The following FCRLB variants were observed in gnomAD, a reference collection of about 807,000 sequenced individuals.
FCRLB encodes the protein Fc receptor-like B.
In FCRLB, 34 loss-of-function variants were observed where a neutral mutation model predicts 33.6. That is an observed-to-expected ratio of 1.01 (90% CI 0.77 to 1.35). The LOEUF (loss-of-function observed/expected upper bound fraction) is 1.35. Ranked by LOEUF, FCRLB falls within the 40% of genes most tolerant of loss-of-function variation. FCRLB has a pLI of 0.00. For missense variants in FCRLB, 560 were observed against 580.2 expected, an observed-to-expected ratio of 0.97 and a Z score of 0.36; for synonymous variants, 280 against 255.9, an observed-to-expected ratio of 1.09 and a Z score of -0.90.
chr1:161,723,361 C>A lies in FCRLB; in HGVS notation c.53-6C>A, dbSNP rs772517784. ...CTGCCCCCTCTCACCCCACTCCCCA[C>A]CCCAGCTACTCTGGAGAAGCCCATA... is the stretch of plus-strand genomic sequence containing the variant. On this transcript the variant is annotated splice_region_variant and splice_polypyrimidine_tract_variant and intron_variant, in intron 4 of 7. Transcript: ENST00000367948. 1.2e-6 allele frequency: 2 copies of A among 1,613,526 alleles called. No homozygotes were observed.
exon 8 of FCRLB, chr1:161,727,281 A>G: frequency 1.2e-6 from 2 of 1,610,294 alleles, no homozygotes; most frequent in Non-Finnish European, 1.7e-6. Context: ...CCACCGCCCC[A>G]GCTCCATGGG....
intron 7 of FCRLB, 90 bp from the exon 8 acceptor site, chr1:161,727,157 A>AAACCCCC: frequency 2.0e-6 from 2 of 1,002,418 alleles, no homozygotes; most frequent in Non-Finnish European, 2.5e-6. Context: ...GGCCTTCCCC[A>AAACCCCC]TCCCCGCCCA....
At position 161,727,445 on chromosome 1, in the gene FCRLB, C is replaced by A. The variant is rs749054136; in HGVS notation, c.1064C>A (p.Ala355Asp). The A allele has an allele frequency of 1.4e-5, 22 of 1,613,366 alleles. No homozygotes were observed. In the East Asian group the frequency reaches 1.6e-4, roughly 11 times the overall value. Residue 355 changes from alanine (A) to aspartate (D), a missense_variant, in exon 8 of 8, where the codon GCT becomes GAT. By Grantham distance (126) the Ala-to-Asp change is moderately radical. Coordinates refer to ENST00000367948, the Ensembl canonical transcript of FCRLB. ...CCGACTGCGGGGCCACCCGCCTGCG[C>A]TCCGCCGACGCCCTTGGAACAATCG... is the stretch of plus-strand genomic sequence containing the variant.
intron 5 of FCRLB, among the ~76,000 whole-genome samples, chr1:161,724,336 TC>T (rs758474173): frequency 4.9e-4 from 74 of 150,358 alleles, no homozygotes; most frequent in Non-Finnish European, 8.7e-4. Context: ...AAGCCTGTGA[TC>T]CCAGCACTTT....
Position 161,727,237 on chromosome 1 carries a change from G to A in FCRLB, c.866-10G>A. 1 of 1,560,172 alleles carries A rather than the reference G, an allele frequency of 6.4e-7. No homozygotes were observed. The highest frequency in any genetic ancestry group is 8.7e-7 in the Non-Finnish European group (1 of 1,147,960). ...CAAGCCGCGCGTGACTGGGCGTAATGCATTCACAGGTTCTCCCCTGGACCC... is the reference window on the plus strand; with the variant it reads ...CAAGCCGCGCGTGACTGGGCGTAATACATTCACAGGTTCTCCCCTGGACCC... On this transcript the variant is annotated splice_polypyrimidine_tract_variant and intron_variant, in intron 7 of 7. Coordinates refer to ENST00000367948, the Ensembl canonical transcript of FCRLB.
exon 6 of FCRLB, chr1:161,725,869 C>T (rs746065087): frequency 6.2e-6 from 10 of 1,614,046 alleles, no homozygotes; most frequent in Non-Finnish European, 8.5e-6. Context: ...GAGGGTGAGC[C>T]GCTAGTCCTG....
intron 5 of FCRLB, among the ~76,000 whole-genome samples, chr1:161,724,126 A>G (rs6696500): frequency 0.15 from 23,436 of 152,186 alleles, 2,340 homozygotes; most frequent in East Asian, 0.51. Flanking sequence ...GAGGATTAAA[A>G]GTGAATTATG....
chr1:161,725,876 C>A, exon 6 of FCRLB: 1 of 1,614,152 alleles, frequency 6.2e-7, no homozygotes, highest in South Asian at 1.1e-5. Flanking sequence ...AGCCGCTAGT[C>A]CTGCGCTGCC....
At chr1:161,723,685 G>A in intron 5 of FCRLB, 64 bp downstream of exon 5, 1 of 1,571,536 alleles carries the variant, frequency 6.4e-7, no homozygotes, top group Admixed American at 1.7e-5. Flanking sequence ...TAGTCCTCTG[G>A]TGGGAGGGAA....
intron 4 of FCRLB, 28 bp from the exon 5 acceptor site, chr1:161,723,339 C>T (rs1683435349): frequency 1.2e-6 from 2 of 1,608,004 alleles, no homozygotes; most frequent in East Asian, 2.2e-5. Context: ...TTGCATGCTG[C>T]CCCCTCTCAC....
Position 161,724,820 on chromosome 1 carries a change from T to C in FCRLB, c.308-1001T>C, listed in dbSNP as rs568858990. Among the ~76,000 whole-genome samples, 6 of 152,344 alleles carry C rather than the reference T, an allele frequency of 3.9e-5. No homozygotes were observed. In the East Asian group the frequency reaches 9.6e-4, roughly 24 times the overall value. ...CTGTGCTAGGGCTATGTAAGCGTGC[T>C]ATAATGATCACAGGGTAATTATGAG... On this transcript the variant is annotated intron_variant, in intron 5 of 7. Coordinates refer to ENST00000367948, the Ensembl canonical transcript of FCRLB.
rs531062239 is a variant in FCRLB, at chr1:161,722,882, A to T, written c.32-107A>T. The T allele has an allele frequency of 4.0e-5, 62 of 1,542,832 alleles. No individual in the cohort carries two copies. The South Asian group carries it at 6.7e-4, about 17-fold the overall frequency. On this transcript the variant is annotated intron_variant, in intron 3 of 7. Coordinates refer to ENST00000367948, the Ensembl canonical transcript of FCRLB. ...CTTGGGAAACCAGGGGCAGAAGAAGAAAAACAGGTTTTGGGACCATTCAGC... is the reference window on the plus strand; with the variant it reads ...CTTGGGAAACCAGGGGCAGAAGAAGTAAAACAGGTTTTGGGACCATTCAGC...
intron 5 of FCRLB, among the ~76,000 whole-genome samples, chr1:161,724,088 T>TA (rs1256835927): frequency 6.6e-6 from 1 of 152,162 alleles, no homozygotes; most frequent in African/African-American, 2.4e-5. Flanking sequence ...GAAGGGACAA[T>TA]AATAGTATGT....
chr1:161,722,098 G>C (rs1683392115), intron 2 of FCRLB, among the ~76,000 whole-genome samples: 1 of 152,220 alleles, frequency 6.6e-6, no homozygotes, highest in South Asian at 2.1e-4. Flanking sequence ...GATGTGAAGG[G>C]TGGTTGGTGA....
chr1:161,725,147 G>A (rs780271371), intron 5 of FCRLB, among the ~76,000 whole-genome samples: 9 of 152,150 alleles, frequency 5.9e-5, no homozygotes, highest in Non-Finnish European at 1.2e-4. Context: ...CAGTCAGGAG[G>A]ACTCTGACAC....
At chr1:161,725,260 C>T (rs892403148) in intron 5 of FCRLB, among the ~76,000 whole-genome samples, 2 of 152,174 alleles carry the variant, frequency 1.3e-5, no homozygotes, top group Admixed American at 6.5e-5. Flanking sequence ...GACCAGCCAT[C>T]CCCCTTCCTT....
intron 5 of FCRLB, among the ~76,000 whole-genome samples, chr1:161,724,425 TAAAA>T (rs3039575): frequency 1.3e-4 from 15 of 112,594 alleles, no homozygotes; most frequent in African/African-American, 7.2e-5. Flanking sequence ...CACTCTCTAC[TAAAA>T]AAAAAAAAAA....
chr1:161,726,363 C>T lies in FCRLB; in HGVS notation c.574+276C>T. 1 of 731,818 alleles carries T rather than the reference C, an allele frequency of 1.4e-6. No individual in the cohort carries two copies. Among genetic ancestry groups the T allele is most frequent in the South Asian group, 1.5e-5 (1 of 67,394 alleles). 45.3% of individuals were successfully genotyped at this position (731,818 alleles called of 1,614,324 possible). ...GCAGCTCTGGCAGGGGCAGGGGCCA[C>T]TGTGGGACTGGGACGAAGGAGCGAC... On this transcript the variant is annotated intron_variant, in intron 6 of 7. Coordinates refer to ENST00000367948, the Ensembl canonical transcript of FCRLB. The surrounding 1 kb of genome is among the most constrained non-coding windows in gnomAD (Gnocchi z 5.2).
chr1:161,725,902 A>T, exon 6 of FCRLB: 1 of 1,614,202 alleles, frequency 6.2e-7, no homozygotes, highest in South Asian at 1.1e-5. Flanking sequence ...TGGTACGACA[A>T]GGTGGTCTAC....
Sources: allele counts gnomAD v4.1 joint callset (sites outside exome capture counted in the v4.1 genomes callset), GRCh38; gene constraint gnomAD v4.1.1; non-coding constraint Gnocchi (gnomAD v3.1); transcripts MANE v1.5; gene names NCBI Gene and HGNC (gene_info 2026-07-23, HGNC 2026-07-21).